IQSEC3: variants seen among roughly 807,000 people sequenced by gnomAD.
The protein encoded by IQSEC3 is IQ motif and SEC7 domain-containing protein 3.
A neutral mutation model predicts 105.4 loss-of-function variants in IQSEC3; 50 were observed. That is an observed-to-expected ratio of 0.47 (90% CI 0.38 to 0.60). The LOEUF is 0.60. Among genes scored for constraint, IQSEC3 ranks in the 20% least tolerant of loss-of-function variants. The pLI, the probability that IQSEC3 is intolerant of heterozygous loss-of-function variation, is 0.00. For missense variants in IQSEC3, 1,415 were observed against 1,630.0 expected (o/e 0.87, Z 2.27); for synonymous variants, 708 against 746.0 (o/e 0.95, Z 0.83).
At chr12:162,416 AG>A (rs1235968926) in intron 8 of IQSEC3, among the ~76,000 whole-genome samples, 1 of 152,116 alleles carries the variant, frequency 6.6e-6, no homozygotes, top group Non-Finnish European at 1.5e-5. Flanking sequence ...GATGAGTGGA[AG>A]GCAGGAAATG....
chr12:103,845 GAGTTCAT>G (rs1864541552), intron 2 of IQSEC3, among the ~76,000 whole-genome samples: 1 of 35,760 alleles, frequency 2.8e-5, no homozygotes, highest in Non-Finnish European at 5.9e-5. Context: ...GGGAGAGGTG[GAGTTCAT>G]GAGGGGAGGC....
At chr12:85,774 C>T (rs1232526478) in intron 1 of IQSEC3, among the ~76,000 whole-genome samples, 1 of 152,298 alleles carries the variant, frequency 6.6e-6, no homozygotes, top group East Asian at 1.9e-4. Context: ...CTCTGAGCCT[C>T]CTCATCTGTA....
chr12:98,418 G>A (rs965811680), intron 1 of IQSEC3, among the ~76,000 whole-genome samples: 2 of 152,170 alleles, frequency 1.3e-5, no homozygotes, highest in African/African-American at 2.4e-5. Flanking sequence ...GGCATGAGTC[G>A]TTTTAAAAAT....
chr12:70,030 C>T lies in IQSEC3; in HGVS notation c.554+2594C>T, dbSNP rs142839874. On this transcript the variant is annotated intron_variant, in intron 1 of 13. Coordinates refer to ENST00000538872, the MANE Select transcript of IQSEC3 (RefSeq NM_001170738.2). ...TGGTTCTCTACTGGGAGTGCTGAAG[C>T]GGGAGGAAGAGATGGCACAGTGGGT... Among the ~76,000 whole-genome samples, 866 of 152,316 alleles carry T rather than the reference C, an allele frequency of 5.7e-3. 4 individuals are homozygous for T. The highest frequency in any genetic ancestry group is 0.018 in the African/African-American group (765 of 41,540).
intron 4 of IQSEC3, 116 bp from the exon 5 acceptor site, chr12:141,008 T>A (rs1865997299): frequency 1.9e-6 from 2 of 1,063,940 alleles, no homozygotes; most frequent in African/African-American, 3.2e-5. Context: ...GAAGCTTCAA[T>A]GGGGAACTGG....
At chr12:116,446 G>A (rs1417977024) in intron 2 of IQSEC3, among the ~76,000 whole-genome samples, 1 of 152,226 alleles carries the variant, frequency 6.6e-6, no homozygotes, top group Non-Finnish European at 1.5e-5. Context: ...ATTTCCGTGA[G>A]CTATTCTTTT....
rs147394339 is a variant in IQSEC3 at position 171,390 on chromosome 12, T to C, written c.3114+229T>C. On this transcript the variant is annotated intron_variant, in intron 13 of 13. Transcript: ENST00000538872. The stretch of plus-strand genomic sequence containing the variant: ...TCTTTCTCCCCTTTCCCCAGCCTGC[T>C]GCCCTCCGAGGCCGAGCTCCCAGAC... The C allele has an allele frequency of 9.3e-5, 136 of 1,465,800 alleles. No homozygotes were observed. The African/African-American group carries it at 1.8e-3, about 19-fold the overall frequency. 90.8% of individuals were successfully genotyped at this position (1,465,800 alleles called of 1,614,324 possible).
intron 2 of IQSEC3, among the ~76,000 whole-genome samples, chr12:116,037 T>C (rs782752233): frequency 9.9e-5 from 15 of 152,230 alleles, no homozygotes; most frequent in Non-Finnish European, 1.8e-4. Flanking sequence ...AAGTGAATGA[T>C]ACTTTTGCTT....
chr12:74,767 C>T (rs1464854227), intron 1 of IQSEC3, among the ~76,000 whole-genome samples: 1 of 152,272 alleles, frequency 6.6e-6, no homozygotes, highest in African/African-American at 2.4e-5. Flanking sequence ...GATATCAGAG[C>T]TAGAAGGATT....
At chr12:100,296 T>A (rs1864381483) in intron 2 of IQSEC3, among the ~76,000 whole-genome samples, 1 of 152,174 alleles carries the variant, frequency 6.6e-6, no homozygotes, top group South Asian at 2.1e-4. Flanking sequence ...CAGAGACTTG[T>A]CCACAGTCAC....
chr12:135,023 A>G (rs11064645), intron 3 of IQSEC3, among the ~76,000 whole-genome samples: 62,747 of 152,090 alleles, frequency 0.41, 13,300 homozygotes, highest in South Asian at 0.53. Flanking sequence ...CCAGCTACTC[A>G]GGAGGCTGAG....
At chr12:134,900 C>A (rs188994307) in intron 3 of IQSEC3, among the ~76,000 whole-genome samples, 2 of 151,936 alleles carry the variant, frequency 1.3e-5, no homozygotes, top group Non-Finnish European at 2.9e-5. Flanking sequence ...CCAAGGTGGG[C>A]GGATCACCAA....
chr12:127,327 C>T (rs537919588), intron 3 of IQSEC3, among the ~76,000 whole-genome samples: 3 of 151,800 alleles, frequency 2.0e-5, no homozygotes, highest in Non-Finnish European at 4.4e-5. Context: ...GAGACCAGCC[C>T]GCCCAATATG....
intron 2 of IQSEC3, among the ~76,000 whole-genome samples, chr12:102,818 C>T (rs1216915655): frequency 2.6e-5 from 4 of 152,212 alleles, no homozygotes; most frequent in Admixed American, 6.5e-5. Flanking sequence ...AGGGCGTCAG[C>T]GATCTGGAGT....
chr12:72,561 C>A (rs1181632618), intron 1 of IQSEC3, among the ~76,000 whole-genome samples: 4 of 130,846 alleles, frequency 3.1e-5, no homozygotes, highest in African/African-American at 7.7e-5. Flanking sequence ...TCTCACTGCA[C>A]CCAGCAGACT....
chr12:174,650 G>A lies in IQSEC3; in HGVS notation c.3166G>A (p.Ala1056Thr), dbSNP rs1356923561. 1.3e-6 allele frequency: 2 copies of A among 1,585,448 alleles called. No homozygotes were observed. The highest frequency in any genetic ancestry group is 1.3e-5 in the African/African-American group (1 of 74,594). ...QTSQHNSGLG[A>T]ERGAPVPPPD... is the part of the protein sequence containing the mutation. ...GTCCCAGCACAACTCCGGGCTGGGG[G>A]CCGAGAGGGGAGCGCCGGTGCCGCC... is the stretch of plus-strand genomic sequence containing the variant. The change falls in exon 14 of 14, where the codon GCC (alanine) becomes ACC (threonine). Residue 1056 changes from alanine (A) to threonine (T), a missense_variant. Transcript: ENST00000538872.
rs112847418 is a variant in IQSEC3, at chr12:169,328, A to G, written c.3064+223A>G. Among the ~76,000 whole-genome samples the G allele has an allele frequency of 5.5e-3, 834 of 152,342 alleles. 10 individuals are homozygous for G. Among genetic ancestry groups the G allele is most frequent in the Admixed American group, 0.023 (355 of 15,298 alleles). Reference sequence around the variant, plus strand: ...GTCTGTCCATTTTGCAAACTGCACCAGAGGTCTGGAGTCCGTGTGAGATGT... The same window carrying G: ...GTCTGTCCATTTTGCAAACTGCACCGGAGGTCTGGAGTCCGTGTGAGATGT... On this transcript the variant is annotated intron_variant, in intron 12 of 13. Coordinates refer to ENST00000538872, the MANE Select transcript of IQSEC3 (RefSeq NM_001170738.2).
At chr12:153,937 A>G (rs1346670548) in intron 5 of IQSEC3, among the ~76,000 whole-genome samples, 1 of 152,000 alleles carries the variant, frequency 6.6e-6, no homozygotes, top group African/African-American at 2.4e-5. Flanking sequence ...AAATATTCTA[A>G]TTTGCTGGGT....
chr12:175,088 C>T lies in IQSEC3; in HGVS notation c.*55C>T. ...AGGGCTGGCCACTGGGGGGCCTGGG[C>T]TGCCCCTCCACTGCTCCCCATACCC... On this transcript the variant is annotated 3_prime_UTR_variant, in exon 14 of 14. Transcript: ENST00000538872. 2 of 1,359,912 alleles carry T rather than the reference C, an allele frequency of 1.5e-6. No homozygotes were observed. Among genetic ancestry groups the T allele is most frequent in the South Asian group, 1.5e-5 (1 of 67,976 alleles). The allele number at this position is 1,359,912 out of a possible 1,614,324, so 84.2% of individuals were successfully genotyped here. A position where few individuals can be genotyped will look rare whatever the true frequency, so the allele number is the denominator to read the frequency against.
Sources: allele counts gnomAD v4.1 joint callset (sites outside exome capture counted in the v4.1 genomes callset), GRCh38; gene constraint gnomAD v4.1.1; transcripts MANE v1.5; gene names NCBI Gene and HGNC (gene_info 2026-07-23, HGNC 2026-07-21).